The following MYO9A variants were observed in gnomAD, a reference collection of about 807,000 sequenced individuals.
The protein encoded by MYO9A is unconventional myosin-IXa.
MYO9A carries 103 observed loss-of-function variants against 293.3 expected under a neutral mutation model. The observed-to-expected ratio is 0.35, with a 90% CI of 0.30 to 0.41. The LOEUF (loss-of-function observed/expected upper bound fraction) is 0.41. MYO9A is among the 10% of genes least tolerant of loss of function. The pLI, the probability that MYO9A is intolerant of heterozygous loss-of-function variation, is 1.00. For synonymous variants in MYO9A, 1,001 were observed against 1,035.7 expected, an observed-to-expected ratio of 0.97 and a Z score of 0.64; for missense variants, 2,685 against 3,033.0, an observed-to-expected ratio of 0.89 and a Z score of 2.69.
rs34602189 is a variant in MYO9A, at chr15:71,993,954, C to CAAA, written c.1587+512_1587+514dup. Among the ~76,000 whole-genome samples, 105 of 119,726 alleles carry CAAA rather than the reference C, an allele frequency of 8.8e-4. 2 individuals are homozygous for CAAA. Among genetic ancestry groups the CAAA allele is most frequent in the African/African-American group, 2.9e-3 (90 of 31,026 alleles). The allele number at this position is 119,726 out of a possible 152,430, so 78.5% of individuals were successfully genotyped here. On this transcript the variant is annotated intron_variant, in intron 10 of 41. Transcript: ENST00000356056. ...CCTGGGTGAGAGCAAGACACCGTCT[C>CAAA]AAAAAAAAAAAAAAAAACAGCAATC... is the stretch of plus-strand genomic sequence containing the variant.
At chr15:72,093,292 T>A (rs1455655297) in intron 1 of MYO9A, among the ~76,000 whole-genome samples, 1 of 151,234 alleles carries the variant, frequency 6.6e-6, no homozygotes, top group Non-Finnish European at 1.5e-5. Flanking sequence ...CTTTGGGAGG[T>A]TATGGTGGGC....
intron 40 of MYO9A, among the ~76,000 whole-genome samples, chr15:71,829,690 G>A (rs887640900): frequency 6.6e-6 from 1 of 151,958 alleles, no homozygotes; most frequent in African/African-American, 2.4e-5. Context: ...AAGGGACTTT[G>A]GCTTAGCCTA....
chr15:71,892,862 C>T (rs2057218710), intron 26 of MYO9A: 1 of 707,922 alleles, frequency 1.4e-6, no homozygotes, highest in Non-Finnish European at 2.0e-6. Context: ...TTCCCATGCA[C>T]AAACCATTAC....
At chr15:71,913,925 C>G (rs1162955200) in intron 19 of MYO9A, among the ~76,000 whole-genome samples, 1 of 152,120 alleles carries the variant, frequency 6.6e-6, no homozygotes, top group Non-Finnish European at 1.5e-5. Flanking sequence ...AGAACTACTC[C>G]TCTAATCCTG....
chr15:71,947,404 T>G (rs1170561118), intron 15 of MYO9A, among the ~76,000 whole-genome samples: 2 of 152,218 alleles, frequency 1.3e-5, no homozygotes, highest in Admixed American at 1.3e-4. Flanking sequence ...ACCTTACTTT[T>G]CTAATTTAAG....
chr15:72,044,322 CTTGAACCTGGG>C (rs1242625792), intron 2 of MYO9A, among the ~76,000 whole-genome samples: 1 of 151,734 alleles, frequency 6.6e-6, no homozygotes, highest in Non-Finnish European at 1.5e-5. Context: ...AGGAGAATCC[CTTGAACCTGGG>C]AGGCAGAGGC....
chr15:72,102,952 A>G (rs2080408686), intron 1 of MYO9A, among the ~76,000 whole-genome samples: 1 of 151,448 alleles, frequency 6.6e-6, no homozygotes, highest in Non-Finnish European at 1.5e-5. Context: ...ATCTACAGAT[A>G]AATTCAAATT....
chr15:71,918,962 G>A (rs1442090648), intron 18 of MYO9A, among the ~76,000 whole-genome samples: 1 of 151,960 alleles, frequency 6.6e-6, no homozygotes, highest in East Asian at 1.9e-4. Flanking sequence ...CACAAGACTT[G>A]GTTTTACTTG....
intron 28 of MYO9A, among the ~76,000 whole-genome samples, chr15:71,881,076 G>A (rs920956874): frequency 2.0e-5 from 3 of 151,926 alleles, no homozygotes; most frequent in East Asian, 3.9e-4. Flanking sequence ...TTTGGTGATT[G>A]CTGGCAACCT....
chr15:71,879,001 C>T (rs929104218), intron 30 of MYO9A, among the ~76,000 whole-genome samples: 2 of 151,986 alleles, frequency 1.3e-5, no homozygotes, highest in Admixed American at 6.6e-5. Flanking sequence ...ATGACCTACC[C>T]GCCTCAGCCA....
intron 1 of MYO9A, among the ~76,000 whole-genome samples, chr15:72,065,648 A>G (rs1341294731): frequency 1.3e-5 from 2 of 152,128 alleles, no homozygotes; most frequent in East Asian, 3.8e-4. Flanking sequence ...AAGAACTTCT[A>G]TTCAATTAAA....
chr15:72,009,990 G>A (rs2077127136), intron 7 of MYO9A, among the ~76,000 whole-genome samples: 1 of 152,044 alleles, frequency 6.6e-6, no homozygotes, highest in South Asian at 2.1e-4. Context: ...TGATAAGTAT[G>A]CATAATTTAA....
intron 1 of MYO9A, among the ~76,000 whole-genome samples, chr15:72,061,221 C>T (rs147623165): frequency 5.3e-5 from 8 of 152,246 alleles, no homozygotes; most frequent in Non-Finnish European, 8.8e-5. Context: ...GGGAGAGACC[C>T]AGTACCATGC....
chr15:71,951,758 T>A lies in MYO9A; in HGVS notation c.2302+19A>T. 1.2e-6 allele frequency: 2 copies of A among 1,613,576 alleles called. No individual in the cohort carries two copies. Among genetic ancestry groups the A allele is most frequent in the Non-Finnish European group, 1.7e-6 (2 of 1,179,850 alleles). On this transcript the variant is annotated intron_variant, in intron 15 of 41. Transcript: ENST00000356056. ...CAAATGGATATGTGATAACAGTTTA[T>A]CAGGATTTGTAGCCTTACTGTACTT...
rs530951758 is a variant in MYO9A, at chr15:71,952,014, A to C, written c.2183-118T>G. 1.7e-5 allele frequency: 18 copies of C among 1,084,198 alleles called. No individual in the cohort carries two copies. In the African/African-American group the frequency reaches 2.9e-4, roughly 17 times the overall value. The allele number at this position is 1,084,198 out of a possible 1,614,324, so 67.2% of individuals were successfully genotyped here. ...GCCAACTATTTAAGGGTGTATAAAA[A>C]TGTATCAAATAATAGAGGTTATATG... On this transcript the variant is annotated intron_variant, in intron 14 of 41. Coordinates refer to ENST00000356056, the MANE Select transcript of MYO9A (RefSeq NM_006901.4).
At position 71,825,248 on chromosome 15, in the gene MYO9A, T is replaced by TCAAC. The variant is rs531685589; in HGVS notation, c.*1328_*1331dup. On this transcript the variant is annotated 3_prime_UTR_variant, in exon 42 of 42. Coordinates refer to ENST00000356056, the MANE Select transcript of MYO9A (RefSeq NM_006901.4). ...TGAAAATGATGTCTTACTAATTCCCTCAACCCAGGGACGAATGGCTCTCAT... is the reference window on the plus strand; with the variant it reads ...TGAAAATGATGTCTTACTAATTCCCTCAACCAACCCAGGGACGAATGGCTCTCAT... 36 of 152,300 alleles carry TCAAC rather than the reference T, an allele frequency of 2.4e-4. No homozygotes were observed. The highest frequency in any genetic ancestry group is 2.2e-3 in the Admixed American group (33 of 15,306). 9.4% of individuals were successfully genotyped at this position (152,300 alleles called of 1,614,324 possible).
chr15:71,962,521 A>G (rs923084095), intron 13 of MYO9A, among the ~76,000 whole-genome samples: 2 of 152,224 alleles, frequency 1.3e-5, no homozygotes, highest in African/African-American at 4.8e-5. Flanking sequence ...GAAAAACTGA[A>G]TAAGAGTACT....
At chr15:72,076,262 G>C (rs1246448368) in intron 1 of MYO9A, among the ~76,000 whole-genome samples, 1 of 148,956 alleles carries the variant, frequency 6.7e-6, no homozygotes, top group Non-Finnish European at 1.5e-5. Flanking sequence ...CTGAGATCAT[G>C]CCACTGCACT....
At chr15:72,091,678 T>C (rs1406681362) in intron 1 of MYO9A, among the ~76,000 whole-genome samples, 1 of 152,030 alleles carries the variant, frequency 6.6e-6, no homozygotes, top group Non-Finnish European at 1.5e-5. Context: ...ACTAAGATTT[T>C]TAAAACTAAA....
Sources: gnomAD v4.1 joint callset for allele counts (sites outside exome capture counted in the v4.1 genomes callset) on GRCh38, gnomAD v4.1.1 for gene constraint, MANE v1.5 for transcripts, NCBI Gene and HGNC (gene_info 2026-07-23, HGNC 2026-07-21) for gene names.